The following C10orf120 variants were observed in gnomAD, a reference collection of about 807,000 sequenced individuals.
C10orf120 encodes the protein uncharacterized protein C10orf120.
Under a neutral mutation model 10.8 loss-of-function variants are expected in C10orf120, and 15 were observed. The ratio of observed to expected loss-of-function variants is 1.39; its 90% CI spans 0.93 to 2.14. The LOEUF is 2.14. Ranked by LOEUF, C10orf120 falls within the 30% of genes most tolerant of loss-of-function variation. The pLI is 0.00. For missense variants in C10orf120, 447 were observed against 411.3 expected, an observed-to-expected ratio of 1.09 and a Z score of -0.75; for synonymous variants, 141 against 138.9, an observed-to-expected ratio of 1.02 and a Z score of -0.11.
Position 122,697,722 on chromosome 10 carries a change from C to T in C10orf120, c.*11G>A, listed in dbSNP as rs139281474. 118 of 1,612,466 alleles carry T rather than the reference C, an allele frequency of 7.3e-5. No homozygotes were observed. In the East Asian group the frequency reaches 2.6e-3, roughly 35 times the overall value. ...TAGTACACCTGGTTACCCTGGGCAA[C>T]AAATAAAACTTTAATAATGATAAGG... On this transcript the variant is annotated 3_prime_UTR_variant, in exon 3 of 3. Transcript: ENST00000329446.
rs1361230854 is a variant in C10orf120 at position 122,698,197 on chromosome 10, G to A, written c.544C>T (p.Pro182Ser). ...GTAAACCTTTCAATGTAGGGTAAAG[G>A]CTGATGATTTCCCAGAGCCCGAGCA... The part of the protein sequence containing the change: ...RLARALGNHQ[P>S]LPYIERFTRS... Residue 182 changes from proline (P) to serine (S), a missense_variant, in exon 3 of 3, where the codon CCT becomes TCT. Physicochemically the swap from Pro to Ser is moderately conservative, Grantham distance 74. Transcript: ENST00000329446. 6.2e-7 allele frequency: 1 copy of A among 1,613,662 alleles called. No homozygotes were observed. The highest frequency in any genetic ancestry group is 1.1e-5 in the South Asian group (1 of 90,964).
chr10:122,699,253 G>GT, intron 2 of C10orf120, 84 bp downstream of exon 2: 2 of 833,532 alleles, frequency 2.4e-6, no homozygotes, highest in Admixed American at 4.0e-5. Flanking sequence ...TCTGTTACTG[G>GT]TGGCTTCTGA....
In C10orf120 at chr10:122,698,115, C is replaced by T; in HGVS notation, c.626G>A (p.Arg209Lys). The T allele has an allele frequency of 6.2e-7, 1 of 1,613,926 alleles. No homozygotes were observed. Among genetic ancestry groups the T allele is most frequent in the Non-Finnish European group, 8.5e-7 (1 of 1,179,972 alleles). The change falls in exon 3 of 3, where the codon AGA becomes AAA. Residue 209 changes from arginine (R) to lysine (K), a missense_variant. Transcript: ENST00000329446. ...GGTGTCATAGTTGTCTTCCTTTCGT[C>T]TGGCCTTATTTTTTGCCATTGGACC... ...GLGPMAKNKA[R>K]RKEDNYDTHN...
At chr10:122,699,015 T>C (rs923687928) in intron 2 of C10orf120, among the ~76,000 whole-genome samples, 10 of 149,720 alleles carry the variant, frequency 6.7e-5, no homozygotes, top group Middle Eastern at 3.2e-3. Flanking sequence ...GCGCCTGTAG[T>C]CCCAGCTACT....
chr10:122,697,759 G>T lies in C10orf120; in HGVS notation c.982C>A (p.Arg328Ser). 2 of 1,614,016 alleles carry T rather than the reference G, an allele frequency of 1.2e-6. No homozygotes were observed. Among genetic ancestry groups the T allele is most frequent in the South Asian group, 2.2e-5 (2 of 91,066 alleles). Reference sequence around the variant, plus strand: ...TAATAATGATAAGGAGTTGCTTTACGCATGCGCTCTTTCCAGATACTCTCT... The same window carrying T: ...TAATAATGATAAGGAGTTGCTTTACTCATGCGCTCTTTCCAGATACTCTCT... ...EEESIWKERM[R>S]KATPYHY Residue 328 changes from arginine (R) to serine (S), a missense_variant, in exon 3 of 3, where the codon CGT becomes AGT. By Grantham distance (110) the Arg-to-Ser change is moderately radical. Transcript: ENST00000329446.
In C10orf120 at chr10:122,697,765, GCT is replaced by G; in HGVS notation, c.974_975del (p.Glu325AlafsTer4). ...TGATAAGGAGTTGCTTTACGCATGC[GCT>G]CTTTCCAGATACTCTCTTCTTCCAG... ...YSLEEESIWK[E>X]RMRKATPYHY is the part of the protein sequence containing the mutation. On this transcript the variant is annotated frameshift_variant, in exon 3 of 3. Transcript: ENST00000329446. LOFTEE classifies it low-confidence loss of function (END_TRUNC). 1 of 1,614,036 alleles carries G rather than the reference GCT, an allele frequency of 6.2e-7. No individual in the cohort carries two copies.
At position 122,699,525 on chromosome 10, in the gene C10orf120, C is replaced by T. The variant is rs915602389; in HGVS notation, c.176+90G>A. On this transcript the variant is annotated intron_variant, in intron 1 of 2. Transcript: ENST00000329446. The stretch of plus-strand genomic sequence containing the variant: ...TTCTACACTAGCCAGGCTGAGGCCG[C>T]CATGAGCAGGGGTTTCTGTAGCCAC... 2.5e-5 allele frequency: 37 copies of T among 1,452,332 alleles called. No homozygotes were observed. In the South Asian group the frequency reaches 2.8e-4, roughly 11 times the overall value. The allele number at this position is 1,452,332 out of a possible 1,614,324, so 90.0% of individuals were successfully genotyped here.
chr10:122,699,589 C>T (rs201227597), intron 1 of C10orf120, 26 bp downstream of exon 1: 10 of 1,584,508 alleles, frequency 6.3e-6, no homozygotes, highest in Non-Finnish European at 7.7e-6. Context: ...CTGACATGGA[C>T]AGACTAAAGT....
intron 2 of C10orf120, 58 bp from the exon 3 acceptor site, chr10:122,698,546 C>G (rs1017390616): frequency 2.6e-6 from 4 of 1,536,020 alleles, no homozygotes; most frequent in African/African-American, 1.4e-5. Context: ...GCGGCACCCA[C>G]AGAAACTTGC....
rs1555054291 is a variant in C10orf120 at position 122,699,633 on chromosome 10, C to T, written c.158G>A (p.Ser53Asn). ...QAPTCCQEDL[S>N]SASPLRIWSK... Reference sequence around the variant, plus strand: ...GACTCACCGCAACGGTGAAGCAGAACTCAGATCCTCTTGGCAACACGTTGG... The same window carrying T: ...GACTCACCGCAACGGTGAAGCAGAATTCAGATCCTCTTGGCAACACGTTGG... Residue 53 changes from serine (S) to asparagine (N), a missense_variant, in exon 1 of 3, where the codon AGT becomes AAT. By Grantham distance (46) the Ser-to-Asn change is conservative (BLOSUM62 1). Transcript: ENST00000329446. 43 of 1,611,246 alleles carry T rather than the reference C, an allele frequency of 2.7e-5. No individual in the cohort carries two copies. The South Asian group carries it at 4.4e-4, about 17-fold the overall frequency.
chr10:122,697,860 A>G lies in C10orf120; in HGVS notation c.881T>C (p.Leu294Ser). The change falls in exon 3 of 3, where the codon TTA becomes TCA. Residue 294 changes from leucine to serine, a missense_variant. Transcript: ENST00000329446. Reference sequence around the variant, plus strand: ...TATAAAATCCTGATTCATTAGCATTAAGTCACCAGGGAATTCTGATATGCA... The same window carrying G: ...TATAAAATCCTGATTCATTAGCATTGAGTCACCAGGGAATTCTGATATGCA... ...LFCISEFPGD[L>S]MLMNQDFISR... 6.2e-7 allele frequency: 1 copy of G among 1,614,180 alleles called. No individual in the cohort carries two copies.
At chr10:122,698,724 G>C (rs936290220) in intron 2 of C10orf120, among the ~76,000 whole-genome samples, 4 of 152,146 alleles carry the variant, frequency 2.6e-5, no homozygotes, top group Non-Finnish European at 5.9e-5. Context: ...GTGAAGCCTC[G>C]ACAAGACAAC....
rs770727933 is a variant in C10orf120 at position 122,697,821 on chromosome 10, T to C, written c.920A>G (p.His307Arg). ...GTAGGTCTTGACCAGATCACTGAAG[T>C]GGTCTCTCCGTGATATAAAATCCTG... ...MNQDFISRRD[H>R]FSDLVKTYSL... Residue 307 changes from histidine (H) to arginine (R), a missense_variant, in exon 3 of 3, where the codon CAC becomes CGC. Physicochemically the swap from His to Arg is conservative, Grantham distance 29. Transcript: ENST00000329446. The C allele has an allele frequency of 5.6e-6, 9 of 1,613,866 alleles. No homozygotes were observed. Among genetic ancestry groups the C allele is most frequent in the Admixed American group, 5.0e-5 (3 of 60,032 alleles).
chr10:122,699,555 T>G lies in C10orf120; in HGVS notation c.176+60A>C, dbSNP rs113723690. On this transcript the variant is annotated intron_variant, in intron 1 of 2. Transcript: ENST00000329446. ...AGCAGGGGTTTCTGTAGCCACTGGG[T>G]AGGCTTCTCCACTTGGCCTCTTTCT... The G allele has an allele frequency of 1.2e-5, 18 of 1,515,580 alleles. 1 individual carries two copies. The highest frequency in any genetic ancestry group is 8.3e-5 in the African/African-American group (6 of 72,602). The allele number at this position is 1,515,580 out of a possible 1,614,324, so 93.9% of individuals were successfully genotyped here.
chr10:122,697,802 C>T lies in C10orf120; in HGVS notation c.939G>A (p.Lys313=). 6.2e-7 allele frequency: 1 copy of T among 1,614,152 alleles called. No homozygotes were observed. The highest frequency in any genetic ancestry group is 8.5e-7 in the Non-Finnish European group (1 of 1,179,972). ...SRRDHFSDLV[K]TYSLEEESIW... ...TACTCTCTTCTTCCAGGCTGTAGGT[C>T]TTGACCAGATCACTGAAGTGGTCTC... Residue 313 remains lysine (K), a synonymous_variant, in exon 3 of 3, where the codon AAG becomes AAA. Transcript: ENST00000329446.
At chr10:122,698,547 A>C in intron 2 of C10orf120, 59 bp from the exon 3 acceptor site, 2 of 1,536,426 alleles carry the variant, frequency 1.3e-6, no homozygotes, top group Non-Finnish European at 1.8e-6. Context: ...CGGCACCCAC[A>C]GAAACTTGCT....
rs757640373 is a variant in C10orf120 at position 122,697,731 on chromosome 10, C to T, written c.*2G>A. On this transcript the variant is annotated 3_prime_UTR_variant, in exon 3 of 3. Transcript: ENST00000329446. Reference sequence around the variant, plus strand: ...TGGTTACCCTGGGCAACAAATAAAACTTTAATAATGATAAGGAGTTGCTTT... The same window carrying T: ...TGGTTACCCTGGGCAACAAATAAAATTTTAATAATGATAAGGAGTTGCTTT... 6.2e-7 allele frequency: 1 copy of T among 1,613,548 alleles called. No individual in the cohort carries two copies. Among genetic ancestry groups the T allele is most frequent in the South Asian group, 1.1e-5 (1 of 90,984 alleles).
intron 2 of C10orf120, among the ~76,000 whole-genome samples, 197 bp downstream of exon 2, chr10:122,699,140 C>CA (rs67633673): frequency 0.094 from 2,051 of 21,738 alleles, 447 homozygotes; most frequent in Non-Finnish European, 0.1. Context: ...GACTCCGTCT[C>CA]AAAAAAAAAA....
Position 122,699,188 on chromosome 10 carries a change from G to T in C10orf120, c.252+149C>A, listed in dbSNP as rs916146783. 9.8e-4 allele frequency: 363 copies of T among 370,354 alleles called. 7 individuals carry two copies. The highest frequency in any genetic ancestry group is 1.7e-4 in the Non-Finnish European group (34 of 202,212). The allele number at this position is 370,354 out of a possible 1,614,324, so 22.9% of individuals were successfully genotyped here. A position where few individuals can be genotyped will look rare whatever the true frequency, so the allele number is the denominator to read the frequency against. On this transcript the variant is annotated intron_variant, in intron 2 of 2. Transcript: ENST00000329446. Reference sequence around the variant, plus strand: ...AAAAAAAGAGTATTTTGCTGTGCAAGTGTGGAAGCCACTAGCAGATTCAGC... The same window carrying T: ...AAAAAAAGAGTATTTTGCTGTGCAATTGTGGAAGCCACTAGCAGATTCAGC...
Sources: allele counts gnomAD v4.1 joint callset (sites outside exome capture counted in the v4.1 genomes callset), GRCh38; gene constraint gnomAD v4.1.1; transcripts MANE v1.5; gene names NCBI Gene and HGNC (gene_info 2026-07-23, HGNC 2026-07-21).